PEX1: variants seen among roughly 807,000 people sequenced by gnomAD.
PEX1 encodes peroxisomal ATPase PEX1.
PEX1 carries 97 observed loss-of-function variants against 152.5 expected under a neutral mutation model. The observed-to-expected ratio is 0.64, with a 90% CI of 0.54 to 0.75. The LOEUF (loss-of-function observed/expected upper bound fraction) is 0.75, where lower values mean the gene tolerates loss of function less well. PEX1 is among the 30% of genes least tolerant of loss of function. PEX1 has a pLI of 0.00. For missense variants in PEX1, 1,357 were observed against 1,516.3 expected, an observed-to-expected ratio of 0.89 and a Z score of 1.74; for synonymous variants, 485 against 531.6, an observed-to-expected ratio of 0.91 and a Z score of 1.21.
At chr7:92,490,161 G>A in intron 21 of PEX1, 2 of 509,740 alleles carry the variant, frequency 3.9e-6, no homozygotes, top group Non-Finnish European at 7.0e-6. Flanking sequence ...TTTTAACTTT[G>A]TTGCTTAAAT....
At chr7:92,507,218 GTTAA>G (rs1383950833) in intron 9 of PEX1, 92 bp from the exon 10 acceptor site, 13 of 1,013,672 alleles carry the variant, frequency 1.3e-5, no homozygotes, top group Non-Finnish European at 1.9e-5. Context: ...TCCCAGTGTA[GTTAA>G]TTAATTTAAT....
intron 3 of PEX1, 54 bp from the exon 4 acceptor site, chr7:92,518,309 T>G (rs1585256211): frequency 9.1e-7 from 1 of 1,099,490 alleles, no homozygotes; most frequent in Non-Finnish European, 1.4e-6. Flanking sequence ...CCACTCCATA[T>G]CTAGTTAAAA....
At position 92,492,994 on chromosome 7, in the gene PEX1, A is replaced by G. The variant is rs1009877821; in HGVS notation, c.3166T>C (p.Leu1056=). Reference sequence around the variant, plus strand: ...AGCAGCATTCCATGTAAGGCCTCCAATTGGGCATTGTAAAGTAAAGCTTTC... The same window carrying G: ...AGCAGCATTCCATGTAAGGCCTCCAGTTGGGCATTGTAAAGTAAAGCTTTC... ...DLKALLYNAQ[L]EALHGMLLSS... is the part of the protein sequence containing the mutation. Residue 1056 remains leucine, a synonymous_variant, in exon 20 of 24, where the codon TTG becomes CTG. Transcript: ENST00000248633. 3.6e-5 allele frequency: 58 copies of G among 1,613,826 alleles called. No homozygotes were observed. Among genetic ancestry groups the G allele is most frequent in the Non-Finnish European group, 4.7e-5 (56 of 1,179,850 alleles).
At chr7:92,507,640 CTTT>C (rs746005345) in intron 9 of PEX1, 21 of 128,628 alleles carry the variant, frequency 1.6e-4, no homozygotes, top group Non-Finnish European at 2.3e-4. Context: ...TGACTTCAAG[CTTT>C]TTTTTTTTTT....
At position 92,507,184 on chromosome 7, in the gene PEX1, A is replaced by C. The variant is rs1792235321; in HGVS notation, c.1671-58T>G. 3.4e-6 allele frequency: 5 copies of C among 1,489,064 alleles called. No individual in the cohort carries two copies. The Admixed American group carries it at 8.8e-5, about 26-fold the overall frequency. The allele number at this position is 1,489,064 out of a possible 1,614,324, so 92.2% of individuals were successfully genotyped here. On this transcript the variant is annotated intron_variant, in intron 9 of 23. Coordinates refer to ENST00000248633, the MANE Select transcript of PEX1 (RefSeq NM_000466.3). ...GACTGAAGCAGGATAAAATTTAGCT[A>C]TAAAAAAATGCTGAATTTTGCCTTC...
chr7:92,491,220 C>G, intron 21 of PEX1, 52 bp downstream of exon 21: 1 of 1,260,422 alleles, frequency 7.9e-7, no homozygotes, highest in Admixed American at 1.7e-5. Flanking sequence ...AACTTTACAC[C>G]AACATATAGC....
chr7:92,523,953 C>A (rs1009085999), intron 1 of PEX1, among the ~76,000 whole-genome samples: 2 of 152,154 alleles, frequency 1.3e-5, no homozygotes, highest in African/African-American at 4.8e-5. Flanking sequence ...AATCTTTATA[C>A]TTTGGGAGAC....
chr7:92,501,700 T>C (rs941815652), intron 14 of PEX1, 27 bp from the exon 15 acceptor site: 1 of 1,574,836 alleles, frequency 6.3e-7, no homozygotes, highest in Non-Finnish European at 8.7e-7. Context: ...AAAACTTCTT[T>C]TACTAGTTAT....
At chr7:92,494,201 A>G in intron 19 of PEX1, 92 bp downstream of exon 19, 1 of 923,898 alleles carries the variant, frequency 1.1e-6, no homozygotes, top group Non-Finnish European at 1.8e-6. Context: ...CTGGTCTTCT[A>G]AGGACAATTG....
intron 2 of PEX1, among the ~76,000 whole-genome samples, chr7:92,520,864 C>T (rs1404851023): frequency 1.3e-5 from 2 of 152,176 alleles, no homozygotes; most frequent in Non-Finnish European, 2.9e-5. Context: ...CTCATTCTTC[C>T]AATCCTAAAG....
intron 17 of PEX1, 86 bp downstream of exon 17, chr7:92,496,627 T>C: frequency 1.1e-6 from 1 of 872,342 alleles, no homozygotes; most frequent in Non-Finnish European, 2.0e-6. Context: ...CAAATATCAG[T>C]TCTTCAAAAA....
intron 6 of PEX1, among the ~76,000 whole-genome samples, chr7:92,512,943 T>A (rs1042761137): frequency 5.9e-5 from 9 of 152,088 alleles, no homozygotes; most frequent in African/African-American, 2.2e-4. Context: ...CAAAGATCTT[T>A]AAGTTCAATA....
intron 6 of PEX1, among the ~76,000 whole-genome samples, chr7:92,513,028 C>A (rs771640449): frequency 1.3e-5 from 2 of 152,108 alleles, no homozygotes; most frequent in Non-Finnish European, 2.9e-5. Context: ...CTCTTTTAGG[C>A]TACAATATTA....
chr7:92,508,134 T>C (rs1046164357), intron 9 of PEX1, among the ~76,000 whole-genome samples: 2 of 152,184 alleles, frequency 1.3e-5, no homozygotes, highest in African/African-American at 4.8e-5. Flanking sequence ...ACTTATTTTC[T>C]CTTAAACATT....
In PEX1 at chr7:92,487,429, A is replaced by G. The variant is rs1377240534; in HGVS notation, c.*28T>C. Reference sequence around the variant, plus strand: ...TATGGAAAAGCCATCAAAAAACTTAACAGAACCAAATCAAAAAGAAGTATA... The same window carrying G: ...TATGGAAAAGCCATCAAAAAACTTAGCAGAACCAAATCAAAAAGAAGTATA... On this transcript the variant is annotated 3_prime_UTR_variant, in exon 24 of 24. Coordinates refer to ENST00000248633, the MANE Select transcript of PEX1 (RefSeq NM_000466.3). 7.8e-7 allele frequency: 1 copy of G among 1,277,264 alleles called. No individual in the cohort carries two copies. 79.1% of individuals were successfully genotyped at this position (1,277,264 alleles called of 1,614,324 possible).
Position 92,489,284 on chromosome 7 carries a change from GTTAC to G in PEX1, c.3767+5_3767+8del, listed in dbSNP as rs1238201165. The G allele has an allele frequency of 1.9e-6, 3 of 1,611,400 alleles. No homozygotes were observed. The highest frequency in any genetic ancestry group is 3.3e-5 in the Admixed American group (2 of 59,974). Reference sequence around the variant, plus strand: ...TAGCTGTACTTCCAAAACAGAATCTGTTACTTACAGCTCAGCAAAATTCTTCCAG... The same window carrying G: ...TAGCTGTACTTCCAAAACAGAATCTGTTACAGCTCAGCAAAATTCTTCCAG... On this transcript the variant is annotated splice_donor_5th_base_variant and intron_variant, in intron 23 of 23. Transcript: ENST00000248633.
At chr7:92,493,424 C>G (rs1030203600) in intron 19 of PEX1, 1 of 181,242 alleles carries the variant, frequency 5.5e-6, no homozygotes, top group Non-Finnish European at 1.1e-5. Context: ...CACTTGAGCC[C>G]TGGAGTTCAA....
At chr7:92,523,522 T>C (rs377701719) in intron 1 of PEX1, among the ~76,000 whole-genome samples, 4 of 152,102 alleles carry the variant, frequency 2.6e-5, no homozygotes, top group African/African-American at 9.7e-5. Context: ...TCTCACTATG[T>C]TGCTTAGGCT....
intron 16 of PEX1, 26 bp downstream of exon 16, chr7:92,499,675 TAAA>T: frequency 1.3e-6 from 2 of 1,584,084 alleles, no homozygotes; most frequent in South Asian, 1.1e-5. Context: ...TTTACCTAAA[TAAA>T]AAAAGAAGAT....
Sources: gnomAD v4.1 joint callset for allele counts (sites outside exome capture counted in the v4.1 genomes callset) on GRCh38, gnomAD v4.1.1 for gene constraint, MANE v1.5 for transcripts, NCBI Gene and HGNC (gene_info 2026-07-23, HGNC 2026-07-21) for gene names.